BBIP1: variants seen among roughly 807,000 people sequenced by gnomAD.
BBIP1 encodes the protein BBSome-interacting protein 1.
A neutral mutation model predicts 8.9 loss-of-function variants in BBIP1; 6 were observed. That is an observed-to-expected ratio of 0.67 (90% CI 0.37 to 1.33). The LOEUF (loss-of-function observed/expected upper bound fraction) is 1.33. BBIP1 is among the 40% of genes most tolerant of loss of function. The pLI, the probability that BBIP1 is intolerant of heterozygous loss-of-function variation, is 0.02. For missense variants in BBIP1, 111 were observed against 109.2 expected, an observed-to-expected ratio of 1.02 and a Z score of -0.07; for synonymous variants, 32 against 33.4, an observed-to-expected ratio of 0.96 and a Z score of 0.14.
chr10:110,916,695 G>T (rs974983137), intron 2 of BBIP1, among the ~76,000 whole-genome samples: 3 of 152,200 alleles, frequency 2.0e-5, no homozygotes, highest in Non-Finnish European at 4.4e-5. Flanking sequence ...TGTCTGCAGG[G>T]TGCCAGGAGT....
At chr10:110,911,342 A>G (rs927495025) in intron 2 of BBIP1, 1 of 152,202 alleles carries the variant, frequency 6.6e-6, no homozygotes, top group Non-Finnish European at 1.5e-5. Context: ...GAGTTATATT[A>G]AAGGCAGACT....
chr10:110,917,991 T>G (rs1846464711), intron 2 of BBIP1, 130 bp downstream of exon 2: 1 of 765,094 alleles, frequency 1.3e-6, no homozygotes, highest in African/African-American at 1.7e-5. Context: ...TTTCAGTAAT[T>G]AACAGCAAAG....
intron 2 of BBIP1, among the ~76,000 whole-genome samples, chr10:110,917,589 G>C (rs1029381476): frequency 2.0e-5 from 3 of 152,134 alleles, no homozygotes; most frequent in African/African-American, 7.2e-5. Context: ...CTTCACAGGG[G>C]AAACGTAAAA....
At chr10:110,907,515 GA>G (rs34559519) in intron 2 of BBIP1, 43,784 of 358,020 alleles carry the variant, frequency 0.12, 843 homozygotes, top group South Asian at 0.17. Flanking sequence ...CTTGTCTCAA[GA>G]AAAAAAAAAA....
At chr10:110,913,480 T>TA (rs1846325113) in intron 2 of BBIP1, among the ~76,000 whole-genome samples, 1 of 152,240 alleles carries the variant, frequency 6.6e-6, no homozygotes, top group Non-Finnish European at 1.5e-5. Context: ...TTCACTTACT[T>TA]ACTTTTGAAG....
chr10:110,901,025 C>T (rs1845985055), intron 3 of BBIP1: 1 of 371,336 alleles, frequency 2.7e-6, no homozygotes, highest in Non-Finnish European at 5.2e-6. Context: ...GTAGCTCTTA[C>T]CTGTTATCCC....
chr10:110,906,054 G>A (rs903129770), intron 2 of BBIP1, among the ~76,000 whole-genome samples: 1 of 147,760 alleles, frequency 6.8e-6, no homozygotes, highest in African/African-American at 2.5e-5. Flanking sequence ...CCAGGCTGGA[G>A]AGCAGTGGCG....
chr10:110,907,869 A>G (rs1043461749), intron 2 of BBIP1: 1 of 672,138 alleles, frequency 1.5e-6, no homozygotes, highest in African/African-American at 1.8e-5. Context: ...TTTCTTTTTA[A>G]TAGCAGGACT....
intron 2 of BBIP1, chr10:110,910,556 T>C (rs1846251850): frequency 6.6e-6 from 1 of 152,136 alleles, no homozygotes; most frequent in Non-Finnish European, 1.5e-5. Context: ...TTAGGTAAGA[T>C]GATGAAAGTA....
chr10:110,911,271 T>A (rs972428424), intron 2 of BBIP1: 1 of 152,170 alleles, frequency 6.6e-6, no homozygotes, highest in African/African-American at 2.4e-5. Context: ...ATGAAAAACC[T>A]ATGGGCAAGC....
At chr10:110,905,242 A>G (rs1846100520) in intron 2 of BBIP1, among the ~76,000 whole-genome samples, 1 of 152,206 alleles carries the variant, frequency 6.6e-6, no homozygotes, top group South Asian at 2.1e-4. Context: ...CCTTCAAATC[A>G]ATCACATACA....
intron 3 of BBIP1, chr10:110,901,018 G>C (rs1369110774): frequency 2.9e-6 from 1 of 348,714 alleles, no homozygotes; most frequent in Non-Finnish European, 5.6e-6. Flanking sequence ...GGGCATGGTA[G>C]CTCTTACCTG....
chr10:110,907,059 CTACT>C (rs1388016819), intron 2 of BBIP1: 1 of 152,244 alleles, frequency 6.6e-6, no homozygotes, highest in Non-Finnish European at 1.5e-5. Context: ...TGCAGAAGCA[CTACT>C]TACTTAATAA....
intron 2 of BBIP1, chr10:110,907,815 T>C (rs764468947): frequency 2.9e-6 from 2 of 698,720 alleles, no homozygotes; most frequent in South Asian, 3.0e-5. Flanking sequence ...TAAGATTCCA[T>C]AGTTATTAAA....
At position 110,898,952 on chromosome 10, in the gene BBIP1, C is replaced by G. The variant is rs1347260445; in HGVS notation, c.*1408G>C. ...AAAAAATGCAGGTATCACTTTACTC[C>G]ATTGTTATCTGACCTAGAGCTTAAT... On this transcript the variant is annotated 3_prime_UTR_variant, in exon 4 of 4. Transcript: ENST00000448814. 1 of 152,016 alleles carries G rather than the reference C, an allele frequency of 6.6e-6. No homozygotes were observed. Among genetic ancestry groups the G allele is most frequent in the Non-Finnish European group, 1.5e-5 (1 of 67,986 alleles). The allele number at this position is 152,016 out of a possible 1,614,324, so 9.4% of individuals were successfully genotyped here. A position where few individuals can be genotyped will look rare whatever the true frequency, so the allele number is the denominator to read the frequency against.
Position 110,899,266 on chromosome 10 carries a change from A to C in BBIP1, c.*1094T>G, listed in dbSNP as rs1373154558. The C allele has an allele frequency of 6.6e-6, 1 of 152,234 alleles. No individual in the cohort carries two copies. The highest frequency in any genetic ancestry group is 1.5e-5 in the Non-Finnish European group (1 of 68,044). 9.4% of individuals were successfully genotyped at this position (152,234 alleles called of 1,614,324 possible). A position where few individuals can be genotyped will look rare whatever the true frequency, so the allele number is the denominator to read the frequency against. On this transcript the variant is annotated 3_prime_UTR_variant, in exon 4 of 4. Coordinates refer to ENST00000448814, the MANE Select transcript of BBIP1 (RefSeq NM_001195305.3). ...CAGAATTTATGAGGGTACTGTTAGG[A>C]GTATACTGCTTACAGGTTTAGATAT...
chr10:110,918,664 G>A (rs1385661344), intron 1 of BBIP1, among the ~76,000 whole-genome samples: 1 of 152,240 alleles, frequency 6.6e-6, no homozygotes, highest in Non-Finnish European at 1.5e-5. Context: ...GGTTAGGGCG[G>A]CCTGTAGAGC....
At chr10:110,917,541 A>G (rs1192586900) in intron 2 of BBIP1, among the ~76,000 whole-genome samples, 1 of 152,220 alleles carries the variant, frequency 6.6e-6, no homozygotes, top group Non-Finnish European at 1.5e-5. Flanking sequence ...GAACACTTTC[A>G]TAATAAAACA....
chr10:110,907,858 T>G (rs1208768040), intron 2 of BBIP1: 1 of 677,748 alleles, frequency 1.5e-6, no homozygotes, highest in Non-Finnish European at 2.7e-6. Context: ...AAAAGTTAAA[T>G]TTTCTTTTTA....
Sources: gnomAD v4.1 joint callset for allele counts (sites outside exome capture counted in the v4.1 genomes callset) on GRCh38, gnomAD v4.1.1 for gene constraint, MANE v1.5 for transcripts, NCBI Gene and HGNC (gene_info 2026-07-23, HGNC 2026-07-21) for gene names.